ALPK1: variants seen among roughly 807,000 people sequenced by gnomAD.
The protein encoded by ALPK1 is alpha kinase 1.
ALPK1 carries 110 observed loss-of-function variants against 120.6 expected under a neutral mutation model. That is an observed-to-expected ratio of 0.91 (90% CI 0.78 to 1.07). The LOEUF (loss-of-function observed/expected upper bound fraction) is 1.07, where lower values mean the gene tolerates loss of function less well. Ranked by LOEUF, ALPK1 falls within the 50% of genes least tolerant of loss-of-function variation. ALPK1 has a pLI of 0.00. For synonymous variants in ALPK1, 582 were observed against 560.3 expected (o/e 1.04, Z -0.55); for missense variants, 1,498 against 1,483.9 (o/e 1.01, Z -0.16).
chr4:112,356,785 CG>C, intron 2 of ALPK1: 1 of 740,696 alleles, frequency 1.4e-6, no homozygotes, highest in East Asian at 2.9e-5. Flanking sequence ...AGCAGCAAGC[CG>C]ACATCGTCTT....
rs528216921 is a variant in ALPK1 at position 112,311,359 on chromosome 4, C to T, written c.-152-4442C>T. 2.0e-5 allele frequency among the ~76,000 whole-genome samples: 3 copies of T among 152,228 alleles called. 1 individual carries two copies. The South Asian group carries it at 6.2e-4, about 32-fold the overall frequency. On this transcript the variant is annotated intron_variant, in intron 1 of 15. Coordinates refer to ENST00000650871, the MANE Select transcript of ALPK1 (RefSeq NM_025144.4). ...GTGTGTCAGCCTTTCTGTTACAATG[C>T]TTATATATATTATCTTAATACTCAC...
chr4:112,391,411 T>A (rs1325996634), intron 4 of ALPK1, among the ~76,000 whole-genome samples: 1 of 152,206 alleles, frequency 6.6e-6, no homozygotes, highest in African/African-American at 2.4e-5. Flanking sequence ...AATTTTAGCA[T>A]TATCACAGTC....
intron 2 of ALPK1, among the ~76,000 whole-genome samples, chr4:112,327,540 TC>T (rs1729166896): frequency 6.6e-6 from 1 of 152,104 alleles, no homozygotes; most frequent in South Asian, 2.1e-4. Context: ...GCTTAAGGGA[TC>T]CCCCCGACCT....
At chr4:112,338,284 T>G (rs1221546160) in intron 2 of ALPK1, among the ~76,000 whole-genome samples, 1 of 152,226 alleles carries the variant, frequency 6.6e-6, no homozygotes, top group Non-Finnish European at 1.5e-5. Flanking sequence ...AATTTTTAAG[T>G]GTATTCATTC....
Position 112,426,546 on chromosome 4 carries a change from G to T in ALPK1, c.699+3G>T. 2 of 1,560,880 alleles carry T rather than the reference G, an allele frequency of 1.3e-6. No homozygotes were observed. The highest frequency in any genetic ancestry group is 1.4e-5 in the African/African-American group (1 of 71,568). On this transcript the variant is annotated splice_donor_region_variant and intron_variant, in intron 8 of 15. Coordinates refer to ENST00000650871, the MANE Select transcript of ALPK1 (RefSeq NM_025144.4). Reference sequence around the variant, plus strand: ...CACTTCCTCAGCCGGATAAAAAGGTGGTTTGTCTAGTGCTTCTTTTTCTCC... The same window carrying T: ...CACTTCCTCAGCCGGATAAAAAGGTTGTTTGTCTAGTGCTTCTTTTTCTCC...
At chr4:112,322,768 A>G (rs1728916323) in intron 2 of ALPK1, among the ~76,000 whole-genome samples, 1 of 152,208 alleles carries the variant, frequency 6.6e-6, no homozygotes, top group Non-Finnish European at 1.5e-5. Context: ...TTGAAATAGG[A>G]CTCAAGAACG....
chr4:112,361,321 C>G (rs1304995872), intron 2 of ALPK1, among the ~76,000 whole-genome samples: 1 of 152,200 alleles, frequency 6.6e-6, no homozygotes, highest in African/African-American at 2.4e-5. Flanking sequence ...GTTCTCAGCC[C>G]TGCTCACTGG....
intron 1 of ALPK1, among the ~76,000 whole-genome samples, chr4:112,298,612 G>A (rs955247983): frequency 6.6e-6 from 1 of 152,144 alleles, no homozygotes; most frequent in East Asian, 1.9e-4. Context: ...CTATCTGCAT[G>A]AGTAGGAAGC....
intron 2 of ALPK1, among the ~76,000 whole-genome samples, chr4:112,325,566 T>C (rs1729077415): frequency 6.6e-6 from 1 of 152,196 alleles, no homozygotes; most frequent in South Asian, 2.1e-4. Context: ...TAATTGTAAA[T>C]ACTCCTTCTC....
chr4:112,411,071 G>A (rs1043153307), intron 4 of ALPK1: 6 of 154,784 alleles, frequency 3.9e-5, no homozygotes, highest in Non-Finnish European at 5.9e-5. Flanking sequence ...GCAAGACAAC[G>A]ATCAATTAAT....
rs368356690 is a variant in ALPK1 at position 112,438,583 on chromosome 4, C to T, written c.3288C>T (p.Asn1096=). Residue 1096 remains asparagine, a synonymous_variant, in exon 13 of 16, where the codon AAC becomes AAT. Coordinates refer to ENST00000650871, the MANE Select transcript of ALPK1 (RefSeq NM_025144.4). ...MTAQHYVTEF[N]KRLYEQNIPT... ...CACAGCACTATGTGACAGAATTTAACAAGAGACTCTATGAACAAAACATTC... is the reference window on the plus strand; with the variant it reads ...CACAGCACTATGTGACAGAATTTAATAAGAGACTCTATGAACAAAACATTC... 2 of 1,613,790 alleles carry T rather than the reference C, an allele frequency of 1.2e-6. No homozygotes were observed. The highest frequency in any genetic ancestry group is 2.2e-5 in the East Asian group (1 of 44,888).
At chr4:112,326,152 T>C (rs1381706218) in intron 2 of ALPK1, among the ~76,000 whole-genome samples, 1 of 152,238 alleles carries the variant, frequency 6.6e-6, no homozygotes, top group Non-Finnish European at 1.5e-5. Context: ...CCAGTCAGTT[T>C]TTCCTTCCCA....
chr4:112,347,912 T>C (rs1031709346), intron 2 of ALPK1, among the ~76,000 whole-genome samples: 1 of 152,244 alleles, frequency 6.6e-6, no homozygotes, highest in Non-Finnish European at 1.5e-5. Flanking sequence ...TGTATCACAC[T>C]GTTAGCTCTA....
rs150577225 is a variant in ALPK1 at position 112,432,366 on chromosome 4, GTTC to G, written c.2824_2826del (p.Ser942del). ...CTGAAATCACCTGCATTTTCCAGTG[GTTC>G]TTCTGAGGGGGACAGCCCTTGGTCC... On this transcript the variant is annotated inframe_deletion, in exon 11 of 16. Transcript: ENST00000650871. 0.01 allele frequency: 16,930 copies of G among 1,614,148 alleles called. 271 individuals are homozygous for G. Among genetic ancestry groups the G allele is most frequent in the Admixed American group, 0.055 (3,287 of 60,014 alleles).
chr4:112,357,336 ACC>A, intron 2 of ALPK1: 1 of 819,998 alleles, frequency 1.2e-6, no homozygotes, highest in Non-Finnish European at 2.0e-6. Context: ...TTCAGTGTAG[ACC>A]CCTCCGAGAA....
intron 2 of ALPK1, among the ~76,000 whole-genome samples, chr4:112,352,161 T>C (rs141696903): frequency 5.3e-5 from 8 of 152,364 alleles, no homozygotes; most frequent in African/African-American, 1.9e-4. Context: ...TTTCATTTTA[T>C]TCTTTTTAAT....
chr4:112,408,862 T>C (rs554187376), intron 4 of ALPK1, among the ~76,000 whole-genome samples: 2 of 152,340 alleles, frequency 1.3e-5, no homozygotes, highest in South Asian at 4.1e-4. Flanking sequence ...ATGGCAATTT[T>C]AGTTAGGCTT....
chr4:112,357,616 C>G (rs1730695918), intron 2 of ALPK1: 1 of 1,606,042 alleles, frequency 6.2e-7, no homozygotes, highest in African/African-American at 1.3e-5. Flanking sequence ...CCCAGTCTGC[C>G]TGGAGAACCC....
chr4:112,367,695 T>G (rs1731217966), intron 2 of ALPK1, among the ~76,000 whole-genome samples: 1 of 152,196 alleles, frequency 6.6e-6, no homozygotes, highest in African/African-American at 2.4e-5. Context: ...CAATCACAAT[T>G]ATCTCTCCAA....
Sources: gnomAD v4.1 joint callset for allele counts (sites outside exome capture counted in the v4.1 genomes callset) on GRCh38, gnomAD v4.1.1 for gene constraint, MANE v1.5 for transcripts, NCBI Gene and HGNC (gene_info 2026-07-23, HGNC 2026-07-21) for gene names.